The following SLC24A1 variants were observed in gnomAD, a reference collection of about 807,000 sequenced individuals.
SLC24A1 encodes the protein solute carrier family 24 member 1, also known as sodium/potassium/calcium exchanger 1.
SLC24A1 carries 52 observed loss-of-function variants against 88.1 expected under a neutral mutation model. The observed-to-expected ratio is 0.59, with a 90% CI of 0.47 to 0.74. The LOEUF (loss-of-function observed/expected upper bound fraction) is 0.74, where lower values mean the gene tolerates loss of function less well. Ranked by LOEUF, SLC24A1 falls within the 30% of genes least tolerant of loss-of-function variation. SLC24A1 has a pLI of 0.00. For missense variants in SLC24A1, 1,173 were observed against 1,363.3 expected (o/e 0.86, Z 2.20); for synonymous variants, 455 against 498.0 (o/e 0.91, Z 1.15).
At chr15:65,648,632 C>T (rs2075390216) in intron 6 of SLC24A1, among the ~76,000 whole-genome samples, 1 of 152,018 alleles carries the variant, frequency 6.6e-6, no homozygotes, top group African/African-American at 2.4e-5. Flanking sequence ...CAGGCACTTA[C>T]AGGCATGCAC....
chr15:65,632,137 T>C (rs1029826537), intron 2 of SLC24A1, among the ~76,000 whole-genome samples: 1 of 152,222 alleles, frequency 6.6e-6, no homozygotes, highest in African/African-American at 2.4e-5. Context: ...GCCTGGATTT[T>C]ATTTCAAGCT....
chr15:65,633,468 T>C (rs954608750), intron 2 of SLC24A1, among the ~76,000 whole-genome samples: 2 of 152,126 alleles, frequency 1.3e-5, no homozygotes, highest in Non-Finnish European at 2.9e-5. Context: ...GAGAGAAGCC[T>C]GGTCAACATG....
chr15:65,638,407 G>A (rs2075011016), intron 3 of SLC24A1, among the ~76,000 whole-genome samples: 1 of 152,162 alleles, frequency 6.6e-6, no homozygotes, highest in African/African-American at 2.4e-5. Context: ...GCTAAGTCTG[G>A]AATGTTACAG....
chr15:65,611,581 T>C (rs188431767), exon 1 of SLC24A1: 56 of 227,364 alleles, frequency 2.5e-4, no homozygotes, highest in African/African-American at 1.1e-3. Flanking sequence ...CGTCACTCTT[T>C]AGCCCCCTCT....
chr15:65,638,319 G>A, intron 3 of SLC24A1, 138 bp downstream of exon 3: 1 of 650,772 alleles, frequency 1.5e-6, no homozygotes, highest in Non-Finnish European at 2.8e-6. Context: ...CGCTGCCAGG[G>A]TGAGGCAAGG....
Position 65,653,980 on chromosome 15 carries a change from C to A in SLC24A1, c.3201C>A (p.Asn1067Lys), listed in dbSNP as rs766965874. 2.9e-5 allele frequency: 47 copies of A among 1,613,814 alleles called. No homozygotes were observed. The highest frequency in any genetic ancestry group is 3.6e-5 in the Non-Finnish European group (42 of 1,179,846). ...TTGCGTCATGTAAATGGAGAATGAA[C>A]AAGATCCTGGGCTTCACAATGTTCC... Reference protein sequence around the residue: ...SSIASCKWRMNKILGFTMFLL... With the variant: ...SSIASCKWRMKKILGFTMFLL... Residue 1067 changes from asparagine to lysine, a missense_variant, in exon 10 of 10, where the codon AAC becomes AAA. By Grantham distance (94) the Asn-to-Lys change is moderately conservative. Coordinates refer to ENST00000261892, the MANE Select transcript of SLC24A1 (RefSeq NM_004727.3).
rs1024398803 is a variant in SLC24A1 at position 65,656,131 on chromosome 15, C to G, written c.*2052C>G. 2.0e-6 allele frequency: 2 copies of G among 985,304 alleles called. No homozygotes were observed. Among genetic ancestry groups the G allele is most frequent in the African/African-American group, 3.5e-5 (2 of 57,208 alleles). The allele number at this position is 985,304 out of a possible 1,614,324, so 61.0% of individuals were successfully genotyped here. On this transcript the variant is annotated 3_prime_UTR_variant, in exon 10 of 10. Coordinates refer to ENST00000261892, the MANE Select transcript of SLC24A1 (RefSeq NM_004727.3). ...GTTCCCGTTAGCCTCGGGGATGTCA[C>G]CTCACCCACAGCCTGGGATCTGACG...
At chr15:65,656,608 T>A (rs1410207684), downstream of SLC24A1, among the ~76,000 whole-genome samples, 1 of 152,224 alleles carries the variant, frequency 6.6e-6, no homozygotes, top group Non-Finnish European at 1.5e-5. Context: ...GAATATTCTG[T>A]ATATAGTTAC....
upstream of SLC24A1, chr15:65,611,354 A>C: frequency 3.2e-5 from 19 of 602,222 alleles, no homozygotes; most frequent in Non-Finnish European, 3.8e-5. Context: ...CCTCCCACAA[A>C]TCCCCAACTT....
intron 6 of SLC24A1, among the ~76,000 whole-genome samples, chr15:65,649,930 T>C (rs970933804): frequency 6.6e-6 from 1 of 152,194 alleles, no homozygotes; most frequent in African/African-American, 2.4e-5. Context: ...TCCTGGGATA[T>C]AAGCTAATTA....
At chr15:65,652,252 G>A in intron 8 of SLC24A1, 1 of 283,090 alleles carries the variant, frequency 3.5e-6, no homozygotes, top group Non-Finnish European at 6.8e-6. Context: ...TTCACCTCCA[G>A]CCTCTTAGTT....
At position 65,654,568 on chromosome 15, in the gene SLC24A1, A is replaced by G. The variant is rs1220840900; in HGVS notation, c.*489A>G. 3 of 1,191,730 alleles carry G rather than the reference A, an allele frequency of 2.5e-6. No homozygotes were observed. The highest frequency in any genetic ancestry group is 1.6e-5 in the African/African-American group (1 of 61,578). The allele number at this position is 1,191,730 out of a possible 1,614,324, so 73.8% of individuals were successfully genotyped here. On this transcript the variant is annotated 3_prime_UTR_variant, in exon 10 of 10. Transcript: ENST00000261892. ...TTTTCTGTTCAAATTGTGAGGTTCT[A>G]TCAGGTTTGTAATCACTGTAGCTTC...
intron 2 of SLC24A1, among the ~76,000 whole-genome samples, chr15:65,614,023 C>G (rs1409010549): frequency 6.6e-6 from 1 of 152,152 alleles, no homozygotes; most frequent in Admixed American, 6.5e-5. Context: ...TACCTCCTCC[C>G]TATTTCACTA....
intron 2 of SLC24A1, among the ~76,000 whole-genome samples, chr15:65,635,595 G>C (rs1275140846): frequency 1.3e-5 from 2 of 152,118 alleles, no homozygotes; most frequent in African/African-American, 2.4e-5. Flanking sequence ...TCACAAAAGA[G>C]TTGGGGGGAT....
Position 65,650,515 on chromosome 15 carries a change from G to C in SLC24A1, c.2366G>C (p.Gly789Ala). ...GGTGAAGGTGAAACTGAAACACAAG[G>C]AAAAGGAGAAGAATGTGAAGATGAA... ...PEGEGETETQ[G>A]KGEECEDENE... is the part of the protein sequence containing the mutation. The change falls in exon 7 of 10, where the codon GGA becomes GCA. Residue 789 changes from glycine to alanine, a missense_variant. Coordinates refer to ENST00000261892, the MANE Select transcript of SLC24A1 (RefSeq NM_004727.3). This position sits in a 1 kb window ranked among gnomAD's most constrained non-coding sequence, Gnocchi z 4.1. 6.4e-7 allele frequency: 1 copy of C among 1,551,796 alleles called. No individual in the cohort carries two copies. Among genetic ancestry groups the C allele is most frequent in the Non-Finnish European group, 8.7e-7 (1 of 1,147,006 alleles).
Position 65,654,707 on chromosome 15 carries a change from C to CTTTTT in SLC24A1, c.*639_*643dup. 4 of 1,119,684 alleles carry CTTTTT rather than the reference C, an allele frequency of 3.6e-6. No homozygotes were observed. Among genetic ancestry groups the CTTTTT allele is most frequent in the Admixed American group, 5.5e-5 (2 of 36,166 alleles). 69.4% of individuals were successfully genotyped at this position (1,119,684 alleles called of 1,614,324 possible). A position where few individuals can be genotyped will look rare whatever the true frequency, so the allele number is the denominator to read the frequency against. ...GCATCTGGATATATACCAGTATTTT[C>CTTTTT]TTTTTTTTTTTTTTTGAGACAGAGT... is the stretch of plus-strand genomic sequence containing the variant. On this transcript the variant is annotated 3_prime_UTR_variant, in exon 10 of 10. Coordinates refer to ENST00000261892, the MANE Select transcript of SLC24A1 (RefSeq NM_004727.3).
At chr15:65,639,838 T>C in intron 4 of SLC24A1, 135 bp downstream of exon 4, 2 of 702,106 alleles carry the variant, frequency 2.8e-6, no homozygotes, top group Non-Finnish European at 5.2e-6. Flanking sequence ...CAGAGGAAAG[T>C]AGTAAAAGTC....
intron 4 of SLC24A1, 187 bp from the exon 5 acceptor site, chr15:65,644,240 C>A (rs2075228775): frequency 1.6e-6 from 1 of 622,908 alleles, no homozygotes; most frequent in Non-Finnish European, 2.9e-6. Context: ...TAAGACAGAA[C>A]TTTGGGAATT....
chr15:65,646,787 A>G (rs548088359), intron 6 of SLC24A1, among the ~76,000 whole-genome samples: 1 of 152,274 alleles, frequency 6.6e-6, no homozygotes, highest in Admixed American at 6.5e-5. Context: ...TCCATTCAAT[A>G]CCCAGAAAAC....
Sources: gnomAD v4.1 joint callset for allele counts (sites outside exome capture counted in the v4.1 genomes callset) on GRCh38, gnomAD v4.1.1 for gene constraint, Gnocchi (gnomAD v3.1) non-coding constraint, MANE v1.5 for transcripts, NCBI Gene and HGNC (gene_info 2026-07-23, HGNC 2026-07-21) for gene names.